The following DLGAP2 variants were observed in gnomAD, a reference collection of about 807,000 sequenced individuals.
The protein encoded by DLGAP2 is disks large-associated protein 2.
Under a neutral mutation model 100.3 loss-of-function variants are expected in DLGAP2, and 26 were observed. The ratio of observed to expected loss-of-function variants is 0.26; its 90% confidence interval spans 0.19 to 0.36. The LOEUF is 0.36. DLGAP2 is among the 10% of genes least tolerant of loss of function. The pLI, the probability that DLGAP2 is intolerant of heterozygous loss-of-function variation, is 1.00. For synonymous variants in DLGAP2, 886 were observed against 630.1 expected (o/e 1.41, Z -6.08); for missense variants, 1,858 against 1,453.2 (o/e 1.28, Z -4.53).
intron 2 of DLGAP2, among the ~76,000 whole-genome samples, chr8:1,159,331 G>T (rs1224473138): frequency 6.6e-6 from 1 of 152,182 alleles, no homozygotes; most frequent in Non-Finnish European, 1.5e-5. Context: ...TGTAAGAAGA[G>T]GTATAAGGGA....
At chr8:1,051,508 G>C (rs1486267584) in intron 2 of DLGAP2, among the ~76,000 whole-genome samples, 1 of 152,176 alleles carries the variant, frequency 6.6e-6, no homozygotes, top group Non-Finnish European at 1.5e-5. Flanking sequence ...ATACCACTCA[G>C]CATAAAGATG....
At chr8:782,819 G>C (rs549537172) in intron 1 of DLGAP2, among the ~76,000 whole-genome samples, 2 of 152,236 alleles carry the variant, frequency 1.3e-5, no homozygotes, top group African/African-American at 2.4e-5. Context: ...CACTCACTGA[G>C]ACCTCGTCTC....
rs529950536 is a variant in DLGAP2, at chr8:1,165,323, A to T, written c.74-93528A>T. On this transcript the variant is annotated intron_variant, in intron 2 of 14. Coordinates refer to ENST00000637795, the MANE Select transcript of DLGAP2 (RefSeq NM_001346810.2). The stretch of plus-strand genomic sequence containing the variant: ...AGGGAGAGAGAGAGAGAGCACGCGC[A>T]TACAGCATCAGCCCTCAGGGCCCCA... Among the ~76,000 whole-genome samples, 27 of 152,258 alleles carry T rather than the reference A, an allele frequency of 1.8e-4. No homozygotes were observed. The South Asian group carries it at 5.0e-3, about 28-fold the overall frequency.
At chr8:781,562 A>C (rs902664304) in intron 1 of DLGAP2, among the ~76,000 whole-genome samples, 13 of 152,230 alleles carry the variant, frequency 8.5e-5, no homozygotes, top group African/African-American at 2.7e-4. Flanking sequence ...GTGTTGCCCA[A>C]GTACCGCATT....
intron 6 of DLGAP2, among the ~76,000 whole-genome samples, chr8:1,582,527 A>T (rs1795964325): frequency 6.6e-6 from 1 of 152,070 alleles, no homozygotes; most frequent in South Asian, 2.1e-4. Flanking sequence ...AAAAAAAAAA[A>T]AAAGCTAGGG....
At chr8:1,024,315 C>T (rs1382491299) in intron 2 of DLGAP2, among the ~76,000 whole-genome samples, 1 of 135,226 alleles carries the variant, frequency 7.4e-6, no homozygotes, top group East Asian at 2.2e-4. Context: ...CCGAGGCAGA[C>T]ACCCCAGCCA....
At chr8:1,458,808 G>C (rs1055391113) in intron 3 of DLGAP2, among the ~76,000 whole-genome samples, 1 of 152,176 alleles carries the variant, frequency 6.6e-6, no homozygotes, top group African/African-American at 2.4e-5. Flanking sequence ...AACAGGAGTG[G>C]GAGAAGGCAG....
intron 2 of DLGAP2, among the ~76,000 whole-genome samples, chr8:931,678 G>C (rs549531076): frequency 6.6e-6 from 1 of 152,122 alleles, no homozygotes; most frequent in African/African-American, 2.4e-5. Flanking sequence ...AGCCCTTCCC[G>C]TCGTCCTGGT....
intron 3 of DLGAP2, among the ~76,000 whole-genome samples, chr8:1,342,861 C>A (rs1033444866): frequency 4.3e-4 from 66 of 152,178 alleles, no homozygotes; most frequent in African/African-American, 1.5e-3. Context: ...AATTCTTTCC[C>A]TTACCTTTTG....
At chr8:1,012,185 A>G (rs1801309176) in intron 2 of DLGAP2, among the ~76,000 whole-genome samples, 1 of 151,908 alleles carries the variant, frequency 6.6e-6, no homozygotes, top group Non-Finnish European at 1.5e-5. Context: ...CTGCCTTTTA[A>G]TTTTCGTCCT....
intron 3 of DLGAP2, among the ~76,000 whole-genome samples, chr8:1,450,832 G>T (rs1324801775): frequency 6.6e-6 from 1 of 152,108 alleles, no homozygotes; most frequent in African/African-American, 2.4e-5. Context: ...GAAGGTATTT[G>T]TTCTGGTAAA....
At position 1,554,923 on chromosome 8, in the gene DLGAP2, A is replaced by G. The variant is rs1038936472; in HGVS notation, c.1230+5240A>G. ...TCTGTATTTGTAGTTTTAGGGGCAA[A>G]AGAGGGAGAAAGGAGATTGCTGTGG... is the stretch of plus-strand genomic sequence containing the variant. On this transcript the variant is annotated intron_variant, in intron 5 of 14. Transcript: ENST00000637795. 3.3e-5 allele frequency among the ~76,000 whole-genome samples: 5 copies of G among 152,188 alleles called. 1 individual carries two copies. Among genetic ancestry groups the G allele is most frequent in the African/African-American group, 1.2e-4 (5 of 41,452 alleles).
At chr8:1,215,441 G>T (rs944705387) in intron 2 of DLGAP2, among the ~76,000 whole-genome samples, 59 of 149,892 alleles carry the variant, frequency 3.9e-4, no homozygotes, top group Admixed American at 1.8e-3. Context: ...GTACCTGGAT[G>T]GGTTCATTTG....
intron 1 of DLGAP2, among the ~76,000 whole-genome samples, chr8:808,758 C>T (rs146638923): frequency 6.6e-6 from 1 of 152,314 alleles, no homozygotes; most frequent in East Asian, 1.9e-4. Context: ...TTGTGGGAGG[C>T]ACCCACCCTA....
chr8:817,136 G>A (rs1400437541), intron 1 of DLGAP2, among the ~76,000 whole-genome samples: 9 of 54,626 alleles, frequency 1.6e-4, no homozygotes, highest in East Asian at 6.3e-4. Flanking sequence ...GCGAGACTCC[G>A]TCTCAAAAAA....
At chr8:1,292,201 T>C (rs1301573066) in intron 3 of DLGAP2, among the ~76,000 whole-genome samples, 4 of 152,198 alleles carry the variant, frequency 2.6e-5, no homozygotes, top group African/African-American at 7.2e-5. Flanking sequence ...CCCTCCTCTG[T>C]TGGCTGGAAA....
chr8:1,323,032 ATTT>A (rs368233603), intron 3 of DLGAP2, among the ~76,000 whole-genome samples: 2 of 142,414 alleles, frequency 1.4e-5, no homozygotes, highest in African/African-American at 2.6e-5. Flanking sequence ...TAAACTCACA[ATTT>A]TTTTTTTTTT....
At chr8:1,550,335 G>C (rs184623163) in intron 5 of DLGAP2, among the ~76,000 whole-genome samples, 61 of 152,274 alleles carry the variant, frequency 4.0e-4, no homozygotes, top group African/African-American at 1.3e-3. Context: ...CGTTATCTAC[G>C]GGCAGCTCTC....
intron 3 of DLGAP2, among the ~76,000 whole-genome samples, chr8:1,453,301 G>A (rs929078278): frequency 3.3e-5 from 5 of 152,142 alleles, no homozygotes; most frequent in African/African-American, 9.7e-5. Flanking sequence ...GGAGGTGTGT[G>A]ACTGTCACCA....
Sources: allele counts gnomAD v4.1 joint callset (sites outside exome capture counted in the v4.1 genomes callset), GRCh38; gene constraint gnomAD v4.1.1; transcripts MANE v1.5; gene names NCBI Gene and HGNC (gene_info 2026-07-23, HGNC 2026-07-21).